LRRC36: variants seen among roughly 807,000 people sequenced by gnomAD.
The protein encoded by LRRC36 is leucine rich repeat containing 36, also known as leucine-rich repeat-containing protein 36.
Under a neutral mutation model 81.1 loss-of-function variants are expected in LRRC36, and 62 were observed. That is an observed-to-expected ratio of 0.76 (90% CI 0.62 to 0.94). The LOEUF (loss-of-function observed/expected upper bound fraction) is 0.94. LRRC36 is among the 40% of genes least tolerant of loss of function. LRRC36 has a pLI of 0.00. For missense variants in LRRC36, 761 were observed against 881.7 expected (o/e 0.86, Z 1.73); for synonymous variants, 334 against 348.6 (o/e 0.96, Z 0.47).
intron 5 of LRRC36, among the ~76,000 whole-genome samples, chr16:67,354,150 T>A (rs1278919581): frequency 2.0e-5 from 3 of 151,994 alleles, no homozygotes; most frequent in Non-Finnish European, 4.4e-5. Context: ...CACTCCTTCC[T>A]CCCCCAAATA....
rs1191313121 is a variant in LRRC36 at position 67,341,025 on chromosome 16, ACT to A, written c.71-929_71-928del. The stretch of plus-strand genomic sequence containing the variant: ...AGAATATGTATTCTATAGAATATGT[ACT>A]CTACATATTCTATAGAATATGTACT... On this transcript the variant is annotated intron_variant, in intron 1 of 13. Transcript: ENST00000329956. Among the ~76,000 whole-genome samples, 977 of 121,030 alleles carry A rather than the reference ACT, an allele frequency of 8.1e-3. 283 individuals carry two copies. Among genetic ancestry groups the A allele is most frequent in the African/African-American group, 0.031 (932 of 29,656 alleles). The allele number at this position is 121,030 out of a possible 152,430, so 79.4% of individuals were successfully genotyped here. A position where few individuals can be genotyped will look rare whatever the true frequency, so the allele number is the denominator to read the frequency against.
At chr16:67,369,246 T>C (rs2039534167) in intron 8 of LRRC36, among the ~76,000 whole-genome samples, 1 of 151,924 alleles carries the variant, frequency 6.6e-6, no homozygotes, top group Non-Finnish European at 1.5e-5. Context: ...CAATTAGAAG[T>C]AGATAAAGAG....
At chr16:67,331,113 G>GAGAGAGAGAGAGAGAGAGAGAGAGAA (rs1567462464) in intron 1 of LRRC36, among the ~76,000 whole-genome samples, 29 of 136,226 alleles carry the variant, frequency 2.1e-4, no homozygotes, top group African/African-American at 7.5e-4. Context: ...GAGAGAGAGA[G>GAGAGAGAGAGAGAGAGAGAGAGAGAA]AAGACTGAAC....
intron 4 of LRRC36, among the ~76,000 whole-genome samples, chr16:67,348,293 G>C (rs1167713241): frequency 1.3e-5 from 2 of 152,020 alleles, no homozygotes; most frequent in Non-Finnish European, 2.9e-5. Context: ...AGATATCCTT[G>C]TACTATAGAC....
chr16:67,342,001 A>G lies in LRRC36; in HGVS notation c.115A>G (p.Ile39Val). Residue 39 changes from isoleucine (I) to valine (V), a missense_variant, in exon 2 of 14, where the codon ATC (isoleucine) becomes GTC (valine). By Grantham distance (29) the Ile-to-Val change is conservative (BLOSUM62 3). This residue lies in a region of LRRC36 where 263 missense variants were observed against 279.3 expected (regional missense o/e 0.94). Coordinates refer to ENST00000329956, the MANE Select transcript of LRRC36 (RefSeq NM_018296.6). ...LSLQGSYAGK[I>V]HSIGDAFRNF... ...ATTGCAGGGATCTTATGCTGGCAAA[A>G]TCCATTCCATTGGTGATGCCTTCAG... is the stretch of plus-strand genomic sequence containing the variant. 1.2e-6 allele frequency: 2 copies of G among 1,610,916 alleles called. No homozygotes were observed. Among genetic ancestry groups the G allele is most frequent in the Non-Finnish European group, 1.7e-6 (2 of 1,177,810 alleles).
intron 5 of LRRC36, among the ~76,000 whole-genome samples, chr16:67,355,246 A>G (rs2038842090): frequency 6.6e-6 from 1 of 152,056 alleles, no homozygotes; most frequent in Admixed American, 6.6e-5. Flanking sequence ...TTGTGTGGGC[A>G]TAAGTTTTCA....
intron 5 of LRRC36, among the ~76,000 whole-genome samples, chr16:67,357,099 A>T (rs1273951641): frequency 6.6e-6 from 1 of 152,230 alleles, no homozygotes; most frequent in African/African-American, 2.4e-5. Context: ...GCAGATGAGG[A>T]AGCACAGATT....
rs1555512749 is a variant in LRRC36 at position 67,376,798 on chromosome 16, G to A, written c.1732G>A (p.Glu578Lys). The A allele has an allele frequency of 3.1e-6, 5 of 1,614,064 alleles. No individual in the cohort carries two copies. Among genetic ancestry groups the A allele is most frequent in the South Asian group, 2.2e-5 (2 of 91,070 alleles). The change falls in exon 11 of 14, where the codon GAA becomes AAA. Residue 578 changes from glutamate to lysine, a missense_variant. Around this residue, in one of 3 missense-constraint regions of LRRC36, gnomAD observed 359 missense variants for 388.4 expected, o/e 0.92. Transcript: ENST00000329956. ...TCAGCCGAGGTGTTGCTCACATCCT[G>A]AAGACACGATGAAAGCATTCTGCAG... ...PSQPRCCSHP[E>K]DTMKAFCRRE...
At chr16:67,363,990 A>G (rs1223656925) in intron 6 of LRRC36, among the ~76,000 whole-genome samples, 1 of 152,202 alleles carries the variant, frequency 6.6e-6, no homozygotes, top group Non-Finnish European at 1.5e-5. Flanking sequence ...GTCCTCAAAC[A>G]AGAATGCAAC....
chr16:67,338,229 T>C (rs551404826), intron 1 of LRRC36, among the ~76,000 whole-genome samples: 13 of 152,194 alleles, frequency 8.5e-5, no homozygotes, highest in African/African-American at 3.1e-4. Context: ...ATAGACATTA[T>C]GTTAATATAA....
At chr16:67,344,317 G>C (rs770308556) in intron 2 of LRRC36, among the ~76,000 whole-genome samples, 4 of 151,730 alleles carry the variant, frequency 2.6e-5, no homozygotes, top group African/African-American at 9.7e-5. Context: ...AGGTGTGGTG[G>C]TTTATGTCTG....
intron 1 of LRRC36, among the ~76,000 whole-genome samples, chr16:67,332,195 T>A (rs1015040748): frequency 6.6e-6 from 1 of 152,096 alleles, no homozygotes; most frequent in Non-Finnish European, 1.5e-5. Flanking sequence ...AAGATCATTC[T>A]TTTATTCTTG....
intron 1 of LRRC36, among the ~76,000 whole-genome samples, chr16:67,336,372 T>A (rs2142590993): frequency 6.6e-6 from 1 of 152,320 alleles, no homozygotes; most frequent in South Asian, 2.1e-4. Flanking sequence ...TTTACTTGTG[T>A]TTAGCTTTGC....
At chr16:67,363,784 C>T in intron 6 of LRRC36, 70 bp downstream of exon 6, 1 of 1,532,592 alleles carries the variant, frequency 6.5e-7, no homozygotes, top group South Asian at 1.2e-5. Flanking sequence ...AGTGGGCTCT[C>T]AATTATTTAT....
chr16:67,375,442 A>G (rs748618204), intron 10 of LRRC36, 30 bp downstream of exon 10: 30 of 1,542,130 alleles, frequency 1.9e-5, no homozygotes, highest in Non-Finnish European at 2.4e-5. Context: ...GTCCTTGGAC[A>G]GGAGTTGGAC....
intron 1 of LRRC36, among the ~76,000 whole-genome samples, chr16:67,337,384 TGAG>T (rs2037813192): frequency 6.6e-6 from 1 of 151,040 alleles, no homozygotes; most frequent in Non-Finnish European, 1.5e-5. Flanking sequence ...TTTTTTTTTT[TGAG>T]AAGGAGTTTC....
Position 67,378,633 on chromosome 16 carries a change from C to T in LRRC36, c.1851C>T (p.Leu617=), listed in dbSNP as rs1376672849. ...QKLVRVLEEN[L]ILSEKIQQLE... is the part of the protein sequence containing the mutation. ...TGGTCAGAGTGCTGGAGGAAAACCTCATTTTGTCAGAAAAAATTCAACAGT... is the reference window on the plus strand; with the variant it reads ...TGGTCAGAGTGCTGGAGGAAAACCTTATTTTGTCAGAAAAAATTCAACAGT... Residue 617 remains leucine (L), a synonymous_variant, in exon 12 of 14, where the codon CTC becomes CTT. Transcript: ENST00000329956. 6.2e-7 allele frequency: 1 copy of T among 1,614,124 alleles called. No individual in the cohort carries two copies. Among genetic ancestry groups the T allele is most frequent in the Admixed American group, 1.7e-5 (1 of 60,032 alleles).
intron 5 of LRRC36, among the ~76,000 whole-genome samples, chr16:67,355,757 T>C (rs1238522986): frequency 6.6e-6 from 1 of 152,188 alleles, no homozygotes; most frequent in African/African-American, 2.4e-5. Context: ...GATTAGAACA[T>C]TGAGCTTGAG....
At chr16:67,336,022 G>A (rs1213312300) in intron 1 of LRRC36, among the ~76,000 whole-genome samples, 2 of 152,128 alleles carry the variant, frequency 1.3e-5, no homozygotes, top group Non-Finnish European at 2.9e-5. Flanking sequence ...GTGAGCCACC[G>A]CACCCGGCCC....
Sources: gnomAD v4.1 joint callset for allele counts (sites outside exome capture counted in the v4.1 genomes callset) on GRCh38, gnomAD v4.1.1 for gene constraint, gnomAD v4.1.1 regional missense constraint, MANE v1.5 for transcripts, NCBI Gene and HGNC (gene_info 2026-07-23, HGNC 2026-07-21) for gene names.